ANKH: variants seen among roughly 807,000 people sequenced by gnomAD.
ANKH encodes the protein mineralization regulator ANKH.
ANKH carries 15 observed loss-of-function variants against 49.0 expected under a neutral mutation model. The observed-to-expected ratio is 0.31, with a 90% confidence interval of 0.20 to 0.47. The LOEUF is 0.47. ANKH is among the 20% of genes least tolerant of loss of function. ANKH has a pLI of 1.00. For synonymous variants in ANKH, 273 were observed against 260.0 expected (o/e 1.05, Z -0.48); for missense variants, 429 against 652.0 (o/e 0.66, Z 3.72).
Position 14,713,384 on chromosome 5 carries a change from A to G in ANKH, c.1265+160T>C, listed in dbSNP as rs1338441391. On this transcript the variant is annotated intron_variant, in intron 10 of 11. Coordinates refer to ENST00000284268, the MANE Select transcript of ANKH (RefSeq NM_054027.6). This position sits in a 1 kb window ranked among gnomAD's most constrained non-coding sequence, Gnocchi z 4.4. ...GCACTTTTCTAAAATGGATCCCAAG[A>G]GCCTCCACCTGGTGCCTGGGCAGAC... is the stretch of plus-strand genomic sequence containing the variant. Among the ~76,000 whole-genome samples, 1 of 152,200 alleles carries G rather than the reference A, an allele frequency of 6.6e-6. No individual in the cohort carries two copies.
At chr5:14,802,408 G>GT (rs1311946416) in intron 1 of ANKH, among the ~76,000 whole-genome samples, 23 of 152,088 alleles carry the variant, frequency 1.5e-4, no homozygotes, top group Admixed American at 5.2e-4. Flanking sequence ...GTGCAGACCA[G>GT]TATTACTTCT....
chr5:14,859,031 T>C (rs1185076429), intron 1 of ANKH, among the ~76,000 whole-genome samples: 1 of 152,128 alleles, frequency 6.6e-6, no homozygotes, highest in Non-Finnish European at 1.5e-5. Flanking sequence ...TGATAAAATA[T>C]ACATAAAAAT....
intron 1 of ANKH, among the ~76,000 whole-genome samples, chr5:14,816,477 A>G (rs1187472377): frequency 1.3e-5 from 2 of 152,146 alleles, no homozygotes; most frequent in Non-Finnish European, 2.9e-5. Flanking sequence ...GAGGAACAGG[A>G]CCCAGCATGA....
At chr5:14,723,482 G>A (rs1737732646) in intron 8 of ANKH, among the ~76,000 whole-genome samples, 1 of 151,878 alleles carries the variant, frequency 6.6e-6, no homozygotes, top group Non-Finnish European at 1.5e-5. Flanking sequence ...GACAACACAA[G>A]ACCCCATCTC....
intron 1 of ANKH, among the ~76,000 whole-genome samples, chr5:14,795,519 C>A (rs535555493): frequency 6.6e-6 from 1 of 152,252 alleles, no homozygotes; most frequent in South Asian, 2.1e-4. Flanking sequence ...AAACCTTCAC[C>A]CTTTTCAAAT....
At chr5:14,716,956 G>A in intron 8 of ANKH, 121 bp from the exon 9 acceptor site, 1 of 1,300,530 alleles carries the variant, frequency 7.7e-7, no homozygotes, top group Non-Finnish European at 1.1e-6. Context: ...CTGACTGGGT[G>A]GTGGGCATGC....
At chr5:14,819,756 C>T (rs976989577) in intron 1 of ANKH, among the ~76,000 whole-genome samples, 5 of 152,050 alleles carry the variant, frequency 3.3e-5, no homozygotes, top group Non-Finnish European at 7.4e-5. Context: ...GTCCCAACTA[C>T]TTGGGAGGCT....
At chr5:14,850,379 GA>G (rs1742089987) in intron 1 of ANKH, among the ~76,000 whole-genome samples, 1 of 152,242 alleles carries the variant, frequency 6.6e-6, no homozygotes, top group African/African-American at 2.4e-5. Flanking sequence ...CATTTAGAGG[GA>G]AAAATGCACT....
intron 1 of ANKH, among the ~76,000 whole-genome samples, chr5:14,789,833 C>T (rs1284273109): frequency 6.6e-6 from 1 of 152,154 alleles, no homozygotes; most frequent in Non-Finnish European, 1.5e-5. Context: ...GCCTCAGTCT[C>T]CCCAGTAGTT....
At chr5:14,750,859 C>T (rs1738691210) in intron 5 of ANKH, among the ~76,000 whole-genome samples, 2 of 152,196 alleles carry the variant, frequency 1.3e-5, no homozygotes, top group Non-Finnish European at 2.9e-5. Context: ...GGAGGCTGGA[C>T]AGTGACATCT....
At chr5:14,721,698 A>T (rs1737666216) in intron 8 of ANKH, among the ~76,000 whole-genome samples, 1 of 152,124 alleles carries the variant, frequency 6.6e-6, no homozygotes, top group Non-Finnish European at 1.5e-5. Flanking sequence ...TGGGAGGCCA[A>T]GGTGGGAGGA....
intron 2 of ANKH, among the ~76,000 whole-genome samples, chr5:14,759,329 T>C (rs747255263): frequency 3.7e-4 from 56 of 152,102 alleles, no homozygotes; most frequent in Non-Finnish European, 6.8e-4. Context: ...ATGTGTCAAA[T>C]AGGAATAGGG....
chr5:14,777,649 CCAGT>C (rs1364374666), intron 1 of ANKH, among the ~76,000 whole-genome samples: 1 of 152,132 alleles, frequency 6.6e-6, no homozygotes, highest in Non-Finnish European at 1.5e-5. Flanking sequence ...CCCAATCCTG[CCAGT>C]CATTTTATGC....
At chr5:14,716,057 GCA>G (rs532266537) in intron 9 of ANKH, among the ~76,000 whole-genome samples, 17 of 152,144 alleles carry the variant, frequency 1.1e-4, no homozygotes, top group Admixed American at 5.9e-4. Context: ...GCTTTTTGGT[GCA>G]CAGTTTTGAG....
intron 4 of ANKH, among the ~76,000 whole-genome samples, chr5:14,754,757 G>C (rs187888457): frequency 2.6e-4 from 40 of 152,234 alleles, no homozygotes; most frequent in Non-Finnish European, 1.5e-5. Context: ...GTACAAGAAA[G>C]GAAAAATGTA....
chr5:14,867,641 G>A (rs1373896084), intron 1 of ANKH, among the ~76,000 whole-genome samples: 3 of 152,008 alleles, frequency 2.0e-5, no homozygotes, highest in African/African-American at 7.2e-5. Context: ...CTCACTGCAA[G>A]CTCCGCTTCC....
intron 1 of ANKH, among the ~76,000 whole-genome samples, chr5:14,863,236 C>T (rs1735554043): frequency 6.6e-6 from 1 of 151,852 alleles, no homozygotes; most frequent in South Asian, 2.1e-4. Flanking sequence ...TTTTTTAAAC[C>T]CTACCACACA....
At chr5:14,757,430 A>ATATATATATTT (rs1379233165) in intron 3 of ANKH, among the ~76,000 whole-genome samples, 1 of 113,816 alleles carries the variant, frequency 8.8e-6, no homozygotes, top group African/African-American at 3.3e-5. Context: ...ATATATATAT[A>ATATATATATTT]TTTTTTTTTT....
In ANKH at chr5:14,770,371, A is replaced by AC. The variant is rs1739395264; in HGVS notation, c.97-1181dup. On this transcript the variant is annotated intron_variant, in intron 1 of 11. Transcript: ENST00000284268. The surrounding 1 kb of genome is among the most constrained non-coding windows in gnomAD (Gnocchi z 4.1). ...TTATCCTTAGGGGATACATTCTAAG[A>AC]CCCCCAGTGAATGCCTGAAACCATG... is the stretch of plus-strand genomic sequence containing the variant. Among the ~76,000 whole-genome samples, 1 of 151,932 alleles carries AC rather than the reference A, an allele frequency of 6.6e-6. No individual in the cohort carries two copies. The highest frequency in any genetic ancestry group is 6.6e-5 in the Admixed American group (1 of 15,240).
Sources: allele counts gnomAD v4.1 joint callset (sites outside exome capture counted in the v4.1 genomes callset), GRCh38; gene constraint gnomAD v4.1.1; non-coding constraint Gnocchi (gnomAD v3.1); transcripts MANE v1.5; gene names NCBI Gene and HGNC (gene_info 2026-07-23, HGNC 2026-07-21).